The following CACNA2D3 variants were observed in gnomAD, a reference collection of about 807,000 sequenced individuals.
The protein encoded by CACNA2D3 is calcium voltage-gated channel auxiliary subunit alpha2delta 3.
Under a neutral mutation model 160.6 loss-of-function variants are expected in CACNA2D3, and 60 were observed. The observed-to-expected ratio is 0.37, with a 90% confidence interval of 0.30 to 0.46. CACNA2D3 has a LOEUF of 0.46. Among genes scored for constraint, CACNA2D3 ranks in the 20% least tolerant of loss-of-function variants. CACNA2D3 has a pLI of 1.00. For missense variants in CACNA2D3, 1,205 were observed against 1,365.0 expected (o/e 0.88, Z 1.85); for synonymous variants, 558 against 492.9 (o/e 1.13, Z -1.75).
intron 11 of CACNA2D3, among the ~76,000 whole-genome samples, chr3:54,736,073 ACATATATATGTATGTG>A (rs1160286939): frequency 1.9e-4 from 5 of 25,856 alleles, no homozygotes; most frequent in Non-Finnish European, 3.7e-4. Flanking sequence ...ATATATATAT[ACATATATATGTATGTG>A]TATATATATA....
intron 11 of CACNA2D3, among the ~76,000 whole-genome samples, chr3:54,702,354 C>T (rs1413523072): frequency 6.6e-6 from 1 of 152,108 alleles, no homozygotes; most frequent in African/African-American, 2.4e-5. Flanking sequence ...AACTGTGCAT[C>T]TGACGAAGTC....
chr3:54,767,025 G>T (rs1336638935), intron 13 of CACNA2D3, among the ~76,000 whole-genome samples: 1 of 151,110 alleles, frequency 6.6e-6, no homozygotes, highest in Non-Finnish European at 1.5e-5. Flanking sequence ...CCCTCCCCAA[G>T]CCATCTTCTC....
chr3:54,544,120 C>G (rs1702024730), intron 5 of CACNA2D3, among the ~76,000 whole-genome samples: 1 of 151,998 alleles, frequency 6.6e-6, no homozygotes. Context: ...TTTACTGATC[C>G]CATATGCTAA....
intron 4 of CACNA2D3, among the ~76,000 whole-genome samples, chr3:54,393,093 G>A (rs373789384): frequency 6.6e-6 from 1 of 152,210 alleles, no homozygotes; most frequent in South Asian, 2.1e-4. Flanking sequence ...CAGGATGGAC[G>A]CATAGAGAAG....
In CACNA2D3 at chr3:54,207,812, C is replaced by T. The variant is rs561157118; in HGVS notation, c.204+84218C>T. Among the ~76,000 whole-genome samples, 6 of 152,052 alleles carry T rather than the reference C, an allele frequency of 3.9e-5. No individual in the cohort carries two copies. In the East Asian group the frequency reaches 5.8e-4, roughly 15 times the overall value. On this transcript the variant is annotated intron_variant, in intron 2 of 37. Coordinates refer to ENST00000474759, the MANE Select transcript of CACNA2D3 (RefSeq NM_018398.3). ...CATCATGGGAGCCACGAGATAGGGC[C>T]GCTTGTCAGCAAGCATTTCCACAAG...
intron 31 of CACNA2D3, among the ~76,000 whole-genome samples, chr3:54,992,769 C>T (rs904083313): frequency 3.8e-5 from 5 of 130,832 alleles, no homozygotes; most frequent in African/African-American, 8.7e-5. Context: ...AAAGAAATAC[C>T]TGAACAACAA....
Position 55,033,740 on chromosome 3 carries a change from AAT to A in CACNA2D3, c.2987+15430_2987+15431del, listed in dbSNP as rs1228974551. On this transcript the variant is annotated intron_variant, in intron 35 of 37. Transcript: ENST00000474759. ...ATTATATATTAAATATATTTTATAT[AAT>A]ATATATTATATTAAATATATATTAT... is the stretch of plus-strand genomic sequence containing the variant. Among the ~76,000 whole-genome samples the A allele has an allele frequency of 5.3e-4, 43 of 81,698 alleles. 2 individuals carry two copies. The East Asian group carries it at 0.013, about 25-fold the overall frequency. The allele number at this position is 81,698 out of a possible 152,430, so 53.6% of individuals were successfully genotyped here.
chr3:55,051,590 C>A (rs906406599), intron 35 of CACNA2D3, among the ~76,000 whole-genome samples: 2 of 151,982 alleles, frequency 1.3e-5, no homozygotes. Context: ...GAGGTGGAGG[C>A]TACAGAGGCA....
At chr3:54,447,782 G>T (rs4974368) in intron 4 of CACNA2D3, among the ~76,000 whole-genome samples, 6 of 152,152 alleles carry the variant, frequency 3.9e-5, no homozygotes, top group African/African-American at 1.4e-4. Context: ...GTCTTGACGT[G>T]TATTGCTGTG....
At chr3:54,285,876 G>T (rs370286304) in intron 2 of CACNA2D3, among the ~76,000 whole-genome samples, 2 of 152,158 alleles carry the variant, frequency 1.3e-5, no homozygotes, top group East Asian at 3.8e-4. Context: ...GTCCTGTCTG[G>T]TAGAAGGAAA....
At chr3:54,385,112 T>G (rs1699166792) in intron 3 of CACNA2D3, among the ~76,000 whole-genome samples, 1 of 152,196 alleles carries the variant, frequency 6.6e-6, no homozygotes, top group Non-Finnish European at 1.5e-5. Flanking sequence ...ATGGGATGAA[T>G]GGTATTTTTA....
chr3:54,737,605 C>G (rs1314822675), intron 11 of CACNA2D3, among the ~76,000 whole-genome samples: 1 of 152,018 alleles, frequency 6.6e-6, no homozygotes, highest in African/African-American at 2.4e-5. Flanking sequence ...GGGGTCAGGA[C>G]ATTTTGACTT....
At chr3:54,810,113 T>G (rs1340488809) in intron 13 of CACNA2D3, among the ~76,000 whole-genome samples, 1 of 152,078 alleles carries the variant, frequency 6.6e-6, no homozygotes, top group Non-Finnish European at 1.5e-5. Context: ...GTCAGAGAAT[T>G]GACGTGAAGT....
chr3:54,822,799 C>CTTTCTTTCT (rs1703657451), intron 14 of CACNA2D3, among the ~76,000 whole-genome samples: 1 of 53,218 alleles, frequency 1.9e-5, no homozygotes, highest in African/African-American at 7.3e-5. Context: ...TCCTTTCTTT[C>CTTTCTTTCT]TTTCTTTCTT....
chr3:54,695,627 C>T (rs2106939569), intron 11 of CACNA2D3, among the ~76,000 whole-genome samples: 1 of 152,240 alleles, frequency 6.6e-6, no homozygotes, highest in East Asian at 1.9e-4. Context: ...AAAACCTTAG[C>T]CAACATGATA....
intron 11 of CACNA2D3, among the ~76,000 whole-genome samples, chr3:54,683,792 C>G (rs1254102323): frequency 6.6e-6 from 1 of 152,040 alleles, no homozygotes; most frequent in Non-Finnish European, 1.5e-5. Context: ...TTGTCAGGGC[C>G]GTGGTCTCTC....
intron 9 of CACNA2D3, among the ~76,000 whole-genome samples, chr3:54,618,374 T>TATATATACACACACACACACACACAC: frequency 1.8e-5 from 1 of 54,586 alleles, no homozygotes; most frequent in African/African-American, 1.1e-4. Context: ...TATATATATA[T>TATATATACACACACACACACACACAC]GCACACACAC....
intron 27 of CACNA2D3, among the ~76,000 whole-genome samples, chr3:54,961,838 T>C (rs981121635): frequency 2.0e-5 from 3 of 152,034 alleles, no homozygotes; most frequent in Admixed American, 6.6e-5. Flanking sequence ...AGAAGCCGGG[T>C]AATTTGTAAA....
At chr3:54,411,963 T>A (rs1376188886) in intron 4 of CACNA2D3, among the ~76,000 whole-genome samples, 3 of 151,654 alleles carry the variant, frequency 2.0e-5, no homozygotes, top group Admixed American at 2.0e-4. Flanking sequence ...AAGTTTGACT[T>A]CATAAGGAGA....
Sources: gnomAD v4.1 joint callset for allele counts (sites outside exome capture counted in the v4.1 genomes callset) on GRCh38, gnomAD v4.1.1 for gene constraint, MANE v1.5 for transcripts, NCBI Gene and HGNC (gene_info 2026-07-23, HGNC 2026-07-21) for gene names.